DOCK9: variants seen among roughly 807,000 people sequenced by gnomAD.
DOCK9 encodes dedicator of cytokinesis 9, also known as dedicator of cytokinesis protein 9.
In DOCK9, 89 loss-of-function variants were observed where a neutral mutation model predicts 263.3. The observed-to-expected ratio is 0.34, with a 90% confidence interval of 0.28 to 0.40. The LOEUF (loss-of-function observed/expected upper bound fraction) is 0.40. Ranked by LOEUF, DOCK9 falls within the 10% of genes least tolerant of loss-of-function variation. The pLI, the probability that DOCK9 is intolerant of heterozygous loss-of-function variation, is 1.00. For synonymous variants in DOCK9, 976 were observed against 973.1 expected (o/e 1.00, Z -0.06); for missense variants, 2,140 against 2,603.4 (o/e 0.82, Z 3.87).
At chr13:99,042,211 AT>A (rs1210934934) in intron 1 of DOCK9, among the ~76,000 whole-genome samples, 2 of 152,204 alleles carry the variant, frequency 1.3e-5, no homozygotes, top group Admixed American at 1.3e-4. Context: ...TCTAACAGGT[AT>A]TATCTCTGTG....
intron 1 of DOCK9, among the ~76,000 whole-genome samples, chr13:99,041,662 T>A (rs1888474132): frequency 6.6e-6 from 1 of 152,080 alleles, no homozygotes; most frequent in Non-Finnish European, 1.5e-5. Context: ...TATGTCCACA[T>A]CCTAACCACC....
chr13:98,976,462 C>G (rs1341927278), intron 1 of DOCK9, among the ~76,000 whole-genome samples: 2 of 152,156 alleles, frequency 1.3e-5, no homozygotes, highest in Non-Finnish European at 2.9e-5. Context: ...TTCTACACAG[C>G]TGGAGAATCA....
chr13:98,870,665 CA>C (rs764852344), intron 27 of DOCK9, among the ~76,000 whole-genome samples: 2 of 152,132 alleles, frequency 1.3e-5, no homozygotes, highest in East Asian at 3.8e-4. Context: ...AAAAGTAGAA[CA>C]GCTGGGTATA....
intron 24 of DOCK9, 122 bp downstream of exon 24, chr13:98,881,770 T>G (rs1594928133): frequency 8.0e-7 from 1 of 1,247,554 alleles, no homozygotes; most frequent in Non-Finnish European, 1.1e-6. Flanking sequence ...TCCTTACACA[T>G]GGGATCAAAG....
chr13:98,840,516 T>C (rs1443226170), intron 38 of DOCK9, among the ~76,000 whole-genome samples: 1 of 152,236 alleles, frequency 6.6e-6, no homozygotes, highest in Admixed American at 6.5e-5. Context: ...ATCTTTCAAA[T>C]ACTCTGGGGC....
chr13:98,975,186 C>A (rs1401700584), intron 1 of DOCK9, among the ~76,000 whole-genome samples: 3 of 152,050 alleles, frequency 2.0e-5, no homozygotes, highest in Admixed American at 2.0e-4. Flanking sequence ...CAAGACTGGC[C>A]TGACCAACAT....
In DOCK9 at chr13:98,794,455, C is replaced by A. The variant is rs1368084611; in HGVS notation, c.*171G>T. On this transcript the variant is annotated 3_prime_UTR_variant, in exon 53 of 53. Coordinates refer to ENST00000682017, the MANE Select transcript of DOCK9 (RefSeq NM_001366683.2). Reference sequence around the variant, plus strand: ...AGATTTAAAAAAATATGTGCACCTTCTTACAACTCCTATAGAAAGTCTGTT... The same window carrying A: ...AGATTTAAAAAAATATGTGCACCTTATTACAACTCCTATAGAAAGTCTGTT... 3 of 706,008 alleles carry A rather than the reference C, an allele frequency of 4.2e-6. No individual in the cohort carries two copies. The highest frequency in any genetic ancestry group is 1.8e-5 in the African/African-American group (1 of 55,112). The allele number at this position is 706,008 out of a possible 1,614,324, so 43.7% of individuals were successfully genotyped here.
intron 2 of DOCK9, among the ~76,000 whole-genome samples, chr13:98,946,675 T>C (rs1271252955): frequency 6.6e-6 from 1 of 152,222 alleles, no homozygotes; most frequent in African/African-American, 2.4e-5. Flanking sequence ...TCTCAGCTCA[T>C]TCTTGCTTTC....
chr13:98,902,419 C>T lies in DOCK9; in HGVS notation c.1249G>A (p.Val417Ile), dbSNP rs750433698. The change falls in exon 12 of 53, where the codon GTA becomes ATA. Residue 417 changes from valine to isoleucine, a missense_variant. This residue lies in a region of DOCK9 where 1,521 missense variants were observed against 1,741.7 expected (regional missense o/e 0.87). Transcript: ENST00000682017. ...YNRKISADFH[V>I]DLNHFSVRQM... ...CTCACTGAGAAATGGTTCAGGTCTA[C>T]GTGGAAATCGGCAGAAATCTTCCGG... 2.2e-5 allele frequency: 35 copies of T among 1,613,844 alleles called. No homozygotes were observed. The South Asian group carries it at 2.5e-4, about 12-fold the overall frequency.
chr13:98,861,290 A>C (rs34503674), intron 32 of DOCK9, among the ~76,000 whole-genome samples: 8,977 of 152,238 alleles, frequency 0.059, 685 homozygotes, highest in African/African-American at 0.17. Context: ...TTGGAGGTGA[A>C]GAGGTAGTGT....
At chr13:99,074,195 G>C (rs2041812281) in intron 1 of DOCK9, among the ~76,000 whole-genome samples, 1 of 152,204 alleles carries the variant, frequency 6.6e-6, no homozygotes, top group African/African-American at 2.4e-5. Flanking sequence ...CCTTAAACTG[G>C]ATTCATTTAT....
intron 2 of DOCK9, among the ~76,000 whole-genome samples, chr13:98,934,583 A>C (rs1378723819): frequency 2.6e-5 from 4 of 152,270 alleles, no homozygotes; most frequent in Admixed American, 2.6e-4. Flanking sequence ...CACTAGGAAC[A>C]TCTCCAAGTT....
chr13:98,802,545 G>A (rs180923563), intron 49 of DOCK9, among the ~76,000 whole-genome samples: 4 of 152,236 alleles, frequency 2.6e-5, no homozygotes, highest in Admixed American at 6.5e-5. Flanking sequence ...CTCTGGAATA[G>A]TGACTGGGAA....
chr13:99,008,167 T>G (rs1264419207), intron 1 of DOCK9, among the ~76,000 whole-genome samples: 1 of 148,638 alleles, frequency 6.7e-6, no homozygotes, highest in South Asian at 2.1e-4. Flanking sequence ...GAACAGATGT[T>G]TATGATATAT....
At chr13:99,069,767 A>G (rs557499971) in intron 1 of DOCK9, among the ~76,000 whole-genome samples, 1 of 152,364 alleles carries the variant, frequency 6.6e-6, no homozygotes, top group South Asian at 2.1e-4. Context: ...TCCAAAAAAT[A>G]TGTTTAATGA....
rs1477127564 is a variant in DOCK9 at position 98,829,628 on chromosome 13, G to A, written c.4749+15C>T. 6.3e-7 allele frequency: 1 copy of A among 1,592,624 alleles called. No individual in the cohort carries two copies. Among genetic ancestry groups the A allele is most frequent in the South Asian group, 1.1e-5 (1 of 87,636 alleles). ...AGAGTCTCAGGGTGAAACTAACATG[G>A]GCCAGGCTACCCACCTTAATAAGCC... On this transcript the variant is annotated intron_variant, in intron 42 of 52. Coordinates refer to ENST00000682017, the MANE Select transcript of DOCK9 (RefSeq NM_001366683.2). This position sits in a 1 kb window ranked among gnomAD's most constrained non-coding sequence, Gnocchi z 4.1.
chr13:99,006,716 C>T (rs144262615), intron 1 of DOCK9, among the ~76,000 whole-genome samples: 8 of 152,222 alleles, frequency 5.3e-5, no homozygotes, highest in African/African-American at 1.9e-4. Context: ...TTGTTTTCCT[C>T]TTATTCTTCT....
intron 19 of DOCK9, 98 bp from the exon 20 acceptor site, chr13:98,885,929 A>C (rs9513502): frequency 0.02 from 23,081 of 1,180,986 alleles, 460 homozygotes; most frequent in South Asian, 0.075. Context: ...ATAAACGTGC[A>C]CTTGTTCTCC....
chr13:99,079,424 T>C (rs1434463420), intron 1 of DOCK9, among the ~76,000 whole-genome samples: 1 of 152,184 alleles, frequency 6.6e-6, no homozygotes, highest in Non-Finnish European at 1.5e-5. Flanking sequence ...TTCAGATGCA[T>C]TCTAGGGCAT....
Sources: gnomAD v4.1 joint callset for allele counts (sites outside exome capture counted in the v4.1 genomes callset) on GRCh38, gnomAD v4.1.1 for gene constraint, gnomAD v4.1.1 regional missense constraint, Gnocchi (gnomAD v3.1) non-coding constraint, MANE v1.5 for transcripts, NCBI Gene and HGNC (gene_info 2026-07-23, HGNC 2026-07-21) for gene names.